DOCK1: variants seen among roughly 807,000 people sequenced by gnomAD.
The protein encoded by DOCK1 is dedicator of cytokinesis 1.
DOCK1 carries 138 observed loss-of-function variants against 262.7 expected under a neutral mutation model. The observed-to-expected ratio is 0.53, with a 90% CI of 0.46 to 0.61. The LOEUF (loss-of-function observed/expected upper bound fraction) is 0.61. Among genes scored for constraint, DOCK1 ranks in the 20% least tolerant of loss-of-function variants. The probability of loss-of-function intolerance (pLI) is 0.00; values close to 1 mark genes in which losing one functional copy is unlikely to be tolerated. For missense variants in DOCK1, 1,908 were observed against 2,370.7 expected (o/e 0.80, Z 4.05); for synonymous variants, 866 against 867.4 (o/e 1.00, Z 0.03).
intron 1 of DOCK1, among the ~76,000 whole-genome samples, chr10:126,945,439 A>G (rs1242689876): frequency 6.6e-6 from 1 of 151,164 alleles, no homozygotes; most frequent in Non-Finnish European, 1.5e-5. Flanking sequence ...GGAGAGGGAA[A>G]GAGGGGAGAA....
At chr10:126,998,282 CTT>C in intron 8 of DOCK1, 33 bp downstream of exon 8, 1 of 1,612,728 alleles carries the variant, frequency 6.2e-7, no homozygotes, top group Non-Finnish European at 8.5e-7. Flanking sequence ...CGTCTTTCCT[CTT>C]TGGTTAGTGT....
At chr10:127,158,502 A>G (rs1471294225) in intron 27 of DOCK1, among the ~76,000 whole-genome samples, 6 of 152,234 alleles carry the variant, frequency 3.9e-5, no homozygotes, top group Non-Finnish European at 8.8e-5. Context: ...CCTGTATTAT[A>G]TATACATAGG....
intron 22 of DOCK1, among the ~76,000 whole-genome samples, chr10:127,058,530 A>C (rs1008487796): frequency 6.6e-6 from 1 of 151,894 alleles, no homozygotes; most frequent in Non-Finnish European, 1.5e-5. Flanking sequence ...TTAGATTTAT[A>C]TATTATTTTT....
At chr10:127,131,528 G>A (rs1265962510) in intron 27 of DOCK1, among the ~76,000 whole-genome samples, 3 of 152,208 alleles carry the variant, frequency 2.0e-5, no homozygotes, top group African/African-American at 4.8e-5. Context: ...GAGTTGTTTA[G>A]TGGGACCTTG....
At chr10:127,316,420 A>G (rs2062284405) in intron 29 of DOCK1, among the ~76,000 whole-genome samples, 1 of 152,224 alleles carries the variant, frequency 6.6e-6, no homozygotes. Context: ...GAGGAGAGTA[A>G]CGTTGCTTTT....
intron 27 of DOCK1, among the ~76,000 whole-genome samples, chr10:127,141,528 C>A (rs539378043): frequency 1.3e-5 from 2 of 152,238 alleles, no homozygotes; most frequent in Admixed American, 1.3e-4. Flanking sequence ...CATGGTGAAA[C>A]CCCATCTGTA....
At chr10:127,357,603 G>C (rs141103871) in intron 32 of DOCK1, among the ~76,000 whole-genome samples, 4 of 152,306 alleles carry the variant, frequency 2.6e-5, no homozygotes, top group African/African-American at 9.6e-5. Context: ...TTTGAATATG[G>C]TGATTAATGC....
chr10:127,076,773 G>T (rs1464935069), intron 23 of DOCK1, among the ~76,000 whole-genome samples: 1 of 152,156 alleles, frequency 6.6e-6, no homozygotes, highest in Admixed American at 6.5e-5. Context: ...CTCTGCCCAG[G>T]GCTGACAGGG....
chr10:127,252,324 CA>C (rs1327192375), intron 28 of DOCK1, among the ~76,000 whole-genome samples: 2 of 151,574 alleles, frequency 1.3e-5, no homozygotes, highest in Admixed American at 1.3e-4. Context: ...AATTTTCTCC[CA>C]TTTTTTAGGT....
chr10:127,212,630 G>C (rs947376174), intron 27 of DOCK1, among the ~76,000 whole-genome samples: 6 of 151,800 alleles, frequency 4.0e-5, no homozygotes, highest in Non-Finnish European at 7.4e-5. Flanking sequence ...GCCCAGCAAG[G>C]CCGAAGCTCT....
rs141133896 is a variant in DOCK1 at position 127,057,665 on chromosome 10, T to A, written c.2337-4003T>A. Among the ~76,000 whole-genome samples the A allele has an allele frequency of 8.9e-4, 136 of 152,336 alleles. 1 individual carries two copies. The South Asian group carries it at 0.015, about 17-fold the overall frequency. ...GTGTTTTCTGTGTGGGTGGATCACA[T>A]TAACTAGAAAGCCAGAAAACAGATA... On this transcript the variant is annotated intron_variant, in intron 22 of 51. Coordinates refer to ENST00000623213, the MANE Select transcript of DOCK1 (RefSeq NM_001290223.2).
chr10:127,415,742 A>G (rs752114940), intron 44 of DOCK1, among the ~76,000 whole-genome samples: 18 of 152,204 alleles, frequency 1.2e-4, no homozygotes, highest in Non-Finnish European at 2.1e-4. Flanking sequence ...AGCTCTCAAC[A>G]AAGCTAAACT....
chr10:127,186,287 A>G (rs1460818105), intron 27 of DOCK1, among the ~76,000 whole-genome samples: 1 of 152,166 alleles, frequency 6.6e-6, no homozygotes, highest in Non-Finnish European at 1.5e-5. Flanking sequence ...AGGCCTCAAG[A>G]AACTTAAAAT....
intron 29 of DOCK1, among the ~76,000 whole-genome samples, chr10:127,279,881 G>A (rs1282656401): frequency 6.6e-6 from 1 of 151,976 alleles, no homozygotes; most frequent in Non-Finnish European, 1.5e-5. Context: ...TTTCAAAGCA[G>A]TGGCGTTTTC....
intron 23 of DOCK1, among the ~76,000 whole-genome samples, chr10:127,070,250 C>CCTTT (rs779994048): frequency 5.4e-5 from 5 of 92,948 alleles, no homozygotes; most frequent in African/African-American, 1.7e-4. Flanking sequence ...GAATTTAGCC[C>CCTTT]TTTTTTTTTT....
rs149432454 is a variant in DOCK1 at position 127,303,242 on chromosome 10, A to T, written c.3045-35764A>T. Among the ~76,000 whole-genome samples, 468 of 152,288 alleles carry T rather than the reference A, an allele frequency of 3.1e-3. 7 individuals are homozygous for T. The highest frequency in any genetic ancestry group is 0.011 in the African/African-American group (448 of 41,550). On this transcript the variant is annotated intron_variant, in intron 29 of 51. Transcript: ENST00000623213. ...AAATTACTAAGAGGACACCTCAAGG[A>T]TAGGAGGTGTCTTGCTAAATGAACC...
At chr10:127,418,951 T>C (rs2068329782) in intron 45 of DOCK1, among the ~76,000 whole-genome samples, 1 of 152,164 alleles carries the variant, frequency 6.6e-6, no homozygotes, top group Non-Finnish European at 1.5e-5. Flanking sequence ...GGATCCTAGC[T>C]CTGTAGGAAT....
chr10:127,168,011 ATTCAT>A (rs1307406375), intron 27 of DOCK1, among the ~76,000 whole-genome samples: 1 of 152,098 alleles, frequency 6.6e-6, no homozygotes, highest in African/African-American at 2.4e-5. Context: ...TTTGTCCATA[ATTCAT>A]TTCATCTCCA....
At chr10:127,131,396 C>A (rs2050317247) in intron 27 of DOCK1, among the ~76,000 whole-genome samples, 1 of 152,138 alleles carries the variant, frequency 6.6e-6, no homozygotes, top group Admixed American at 6.5e-5. Context: ...CTTGGAGTTT[C>A]TTTTATAAAA....
Sources: allele counts gnomAD v4.1 joint callset (sites outside exome capture counted in the v4.1 genomes callset), GRCh38; gene constraint gnomAD v4.1.1; transcripts MANE v1.5; gene names NCBI Gene and HGNC (gene_info 2026-07-23, HGNC 2026-07-21).